The following UNC5C variants were observed in gnomAD, a reference collection of about 807,000 sequenced individuals.
UNC5C encodes the protein netrin receptor UNC5C.
UNC5C carries 47 observed loss-of-function variants against 99.8 expected under a neutral mutation model. The ratio of observed to expected loss-of-function variants is 0.47; its 90% CI spans 0.37 to 0.60. UNC5C has a LOEUF of 0.60. Ranked by LOEUF, UNC5C falls within the 20% of genes least tolerant of loss-of-function variation. The pLI is 0.00. For missense variants in UNC5C, 1,062 were observed against 1,165.9 expected (o/e 0.91, Z 1.30); for synonymous variants, 487 against 452.2 (o/e 1.08, Z -0.98).
intron 7 of UNC5C, among the ~76,000 whole-genome samples, chr4:95,235,455 T>G (rs1739073611): frequency 6.6e-6 from 1 of 152,216 alleles, no homozygotes; most frequent in Non-Finnish European, 1.5e-5. Flanking sequence ...CTGATGGTAG[T>G]TTCTTTTGCT....
At chr4:95,212,247 A>G (rs973475016) in intron 10 of UNC5C, among the ~76,000 whole-genome samples, 1 of 152,048 alleles carries the variant, frequency 6.6e-6, no homozygotes, top group African/African-American at 2.4e-5. Flanking sequence ...AAAAGTTCTG[A>G]ACACCACTAA....
intron 14 of UNC5C, among the ~76,000 whole-genome samples, chr4:95,177,209 C>T (rs895738917): frequency 4.6e-5 from 7 of 152,238 alleles, no homozygotes; most frequent in African/African-American, 1.2e-4. Flanking sequence ...TCTTATGCGT[C>T]GCTCACACTG....
Position 95,301,692 on chromosome 4 carries a change from A to G in UNC5C, c.404T>C (p.Phe135Ser). The change falls in exon 3 of 16, where the codon TTT (phenylalanine) becomes TCT (serine). Residue 135 changes from phenylalanine (F) to serine (S), a missense_variant. Coordinates refer to ENST00000453304, the MANE Select transcript of UNC5C (RefSeq NM_003728.4). Reference sequence around the variant, plus strand: ...CTGGCACCAGTAATCTTCAGGTCCAAAGAGTTCTTCCACTTGCTGGCGCGA... The same window carrying G: ...CTGGCACCAGTAATCTTCAGGTCCAGAGAGTTCTTCCACTTGCTGGCGCGA... ...EISRQQVEEL[F>S]GPEDYWCQCV... 1.9e-6 allele frequency: 3 copies of G among 1,613,582 alleles called. No individual in the cohort carries two copies. The highest frequency in any genetic ancestry group is 1.1e-5 in the South Asian group (1 of 91,056).
intron 1 of UNC5C, among the ~76,000 whole-genome samples, chr4:95,488,819 C>T (rs1213927773): frequency 6.6e-6 from 1 of 151,680 alleles, no homozygotes; most frequent in Non-Finnish European, 1.5e-5. Context: ...ATTTAGATAA[C>T]TTTAGATAAA....
At chr4:95,269,448 AT>A (rs1012689125) in intron 4 of UNC5C, among the ~76,000 whole-genome samples, 9 of 151,884 alleles carry the variant, frequency 5.9e-5, no homozygotes, top group African/African-American at 2.2e-4. Context: ...TGCCTGGCTA[AT>A]TTTTATTTTT....
At chr4:95,513,856 A>G (rs530950154) in intron 1 of UNC5C, among the ~76,000 whole-genome samples, 123 of 152,300 alleles carry the variant, frequency 8.1e-4, no homozygotes, top group African/African-American at 2.8e-3. Flanking sequence ...TATTTGGGAA[A>G]TTCATTTGTT....
At position 95,436,735 on chromosome 4, in the gene UNC5C, G is replaced by C. The variant is rs190128598; in HGVS notation, c.125-101104C>G. Among the ~76,000 whole-genome samples, 1,083 of 151,918 alleles carry C rather than the reference G, an allele frequency of 7.1e-3. 17 individuals are homozygous for C. Among genetic ancestry groups the C allele is most frequent in the African/African-American group, 0.024 (998 of 41,474 alleles). On this transcript the variant is annotated intron_variant, in intron 1 of 15. Transcript: ENST00000453304. ...TATAACCAATAGAAATACAGAATAA[G>C]CTAATAAAACAATTGAGGAAGGGTG... is the stretch of plus-strand genomic sequence containing the variant.
intron 1 of UNC5C, among the ~76,000 whole-genome samples, chr4:95,536,839 T>C (rs901799637): frequency 2.6e-5 from 4 of 152,232 alleles, no homozygotes; most frequent in African/African-American, 2.4e-5. Flanking sequence ...AAGTCCCTCA[T>C]GCAATATGTT....
chr4:95,475,383 G>T (rs1219987940), intron 1 of UNC5C, among the ~76,000 whole-genome samples: 1 of 151,806 alleles, frequency 6.6e-6, no homozygotes, highest in Non-Finnish European at 1.5e-5. Flanking sequence ...ATTTACAAAG[G>T]GAGGGTAATA....
intron 1 of UNC5C, among the ~76,000 whole-genome samples, chr4:95,427,033 A>C (rs1231218941): frequency 6.6e-6 from 1 of 152,202 alleles, no homozygotes; most frequent in African/African-American, 2.4e-5. Flanking sequence ...TAGGACTTTC[A>C]TAGCTAGAGA....
intron 1 of UNC5C, among the ~76,000 whole-genome samples, chr4:95,436,055 A>T (rs1746775437): frequency 1.3e-5 from 2 of 151,974 alleles, no homozygotes; most frequent in Admixed American, 1.3e-4. Flanking sequence ...TTTTCTCCAC[A>T]ATTTAAAAGT....
At chr4:95,347,704 T>C (rs940977307) in intron 1 of UNC5C, among the ~76,000 whole-genome samples, 3 of 151,954 alleles carry the variant, frequency 2.0e-5, no homozygotes, top group Non-Finnish European at 4.4e-5. Context: ...TGGGTATCCG[T>C]AGGCAGAAGA....
chr4:95,472,401 G>C (rs762085128), intron 1 of UNC5C, among the ~76,000 whole-genome samples: 41 of 152,046 alleles, frequency 2.7e-4, no homozygotes, highest in Non-Finnish European at 5.1e-4. Context: ...AGGATCATGA[G>C]GGGGAGAGGA....
intron 1 of UNC5C, among the ~76,000 whole-genome samples, chr4:95,470,601 G>A (rs1747938189): frequency 6.6e-6 from 1 of 152,026 alleles, no homozygotes; most frequent in South Asian, 2.1e-4. Flanking sequence ...GAAAAAAATA[G>A]CAGTATGTGA....
chr4:95,172,874 A>T (rs1331716716), intron 14 of UNC5C, among the ~76,000 whole-genome samples: 1 of 152,208 alleles, frequency 6.6e-6, no homozygotes, highest in Non-Finnish European at 1.5e-5. Context: ...ACCCATGAGC[A>T]TGGAATGTTG....
intron 1 of UNC5C, among the ~76,000 whole-genome samples, chr4:95,474,211 A>G (rs867064183): frequency 6.6e-6 from 1 of 152,132 alleles, no homozygotes; most frequent in East Asian, 1.9e-4. Context: ...TCCCACTGCC[A>G]CAAAGTTGAG....
chr4:95,400,271 T>C (rs932141448), intron 1 of UNC5C, among the ~76,000 whole-genome samples: 1 of 152,050 alleles, frequency 6.6e-6, no homozygotes, highest in Non-Finnish European at 1.5e-5. Context: ...AGTAAGCTGC[T>C]ATATTCTGAG....
At chr4:95,416,093 G>A (rs542848054) in intron 1 of UNC5C, among the ~76,000 whole-genome samples, 54 of 152,200 alleles carry the variant, frequency 3.5e-4, no homozygotes, top group African/African-American at 1.1e-3. Flanking sequence ...GTGAATGTTC[G>A]GAGGGCAGAC....
At position 95,164,697 on chromosome 4, in the gene UNC5C, A is replaced by G. The variant is rs1262440949; in HGVS notation, c.*4537T>C. The G allele has an allele frequency of 6.6e-6, 1 of 152,248 alleles. No individual in the cohort carries two copies. Among genetic ancestry groups the G allele is most frequent in the Non-Finnish European group, 1.5e-5 (1 of 68,048 alleles). 9.4% of individuals were successfully genotyped at this position (152,248 alleles called of 1,614,324 possible). A position where few individuals can be genotyped will look rare whatever the true frequency, so the allele number is the denominator to read the frequency against. ...TTCACAAAAGCTCTTCCATTCTCAA[A>G]GAAGATGGATAAAGTCCCATTTCAT... On this transcript the variant is annotated 3_prime_UTR_variant, in exon 16 of 16. Transcript: ENST00000453304.
Sources: gnomAD v4.1 joint callset for allele counts (sites outside exome capture counted in the v4.1 genomes callset) on GRCh38, gnomAD v4.1.1 for gene constraint, MANE v1.5 for transcripts, NCBI Gene and HGNC (gene_info 2026-07-23, HGNC 2026-07-21) for gene names.